Variants in SCFD1 observed in about 807,000 individuals in gnomAD.
The protein encoded by SCFD1 is sec1 family domain-containing protein 1.
SCFD1 carries 37 observed loss-of-function variants against 103.2 expected under a neutral mutation model. The ratio of observed to expected loss-of-function variants is 0.36; its 90% CI spans 0.28 to 0.47. The LOEUF (loss-of-function observed/expected upper bound fraction) is 0.47. Ranked by LOEUF, SCFD1 falls within the 20% of genes least tolerant of loss-of-function variation. The pLI is 1.00. For synonymous variants in SCFD1, 264 were observed against 245.0 expected, an observed-to-expected ratio of 1.08 and a Z score of -0.73; for missense variants, 639 against 761.2, an observed-to-expected ratio of 0.84 and a Z score of 1.89.
intron 23 of SCFD1, among the ~76,000 whole-genome samples, chr14:30,727,090 T>G (rs553164303): frequency 6.6e-6 from 1 of 152,152 alleles, no homozygotes; most frequent in Non-Finnish European, 1.5e-5. Context: ...ATCAGGGCTA[T>G]AAGTGTGTAA....
chr14:30,705,857 T>C lies in SCFD1; in HGVS notation c.1525T>C (p.Tyr509His). ...FTKMASAPAS[Y>H]GSTTTKPMGL... Reference sequence around the variant, plus strand: ...CAAGATGGCCTCAGCTCCGGCCAGCTATGGCAGCACTACCACTAAACCAAT... The same window carrying C: ...CAAGATGGCCTCAGCTCCGGCCAGCCATGGCAGCACTACCACTAAACCAAT... The change falls in exon 18 of 25, where the codon TAT becomes CAT. Residue 509 changes from tyrosine to histidine, a missense_variant. Coordinates refer to ENST00000458591, the MANE Select transcript of SCFD1 (RefSeq NM_016106.4). The C allele has an allele frequency of 6.2e-7, 1 of 1,613,888 alleles. No homozygotes were observed. The highest frequency in any genetic ancestry group is 8.5e-7 in the Non-Finnish European group (1 of 1,179,854).
At chr14:30,726,769 C>T (rs1304863468) in intron 23 of SCFD1, among the ~76,000 whole-genome samples, 2 of 152,066 alleles carry the variant, frequency 1.3e-5, no homozygotes, top group East Asian at 1.9e-4. Flanking sequence ...ATTTCCCTTC[C>T]TCCTGAAATA....
At chr14:30,733,212 G>T (rs940190296) in intron 23 of SCFD1, among the ~76,000 whole-genome samples, 1 of 152,012 alleles carries the variant, frequency 6.6e-6, no homozygotes, top group African/African-American at 2.4e-5. Context: ...GTTTCACCAT[G>T]CTGGCCAGGC....
At chr14:30,652,603 C>T (rs566216125) in intron 9 of SCFD1, among the ~76,000 whole-genome samples, 3 of 152,102 alleles carry the variant, frequency 2.0e-5, no homozygotes, top group Non-Finnish European at 2.9e-5. Flanking sequence ...AATAACTATT[C>T]CTTATTGCCT....
chr14:30,666,693 G>C (rs1165844032), intron 10 of SCFD1, among the ~76,000 whole-genome samples: 1 of 152,044 alleles, frequency 6.6e-6, no homozygotes, highest in Non-Finnish European at 1.5e-5. Context: ...GAATCAAATA[G>C]ACGCAATAAA....
chr14:30,707,584 A>G (rs1891558133), intron 18 of SCFD1, among the ~76,000 whole-genome samples: 1 of 152,092 alleles, frequency 6.6e-6, no homozygotes, highest in South Asian at 2.1e-4. Context: ...TATGGTTTGA[A>G]CTCCTAAAGC....
intron 19 of SCFD1, among the ~76,000 whole-genome samples, chr14:30,711,685 T>C (rs1383575656): frequency 2.0e-5 from 3 of 152,200 alleles, no homozygotes; most frequent in Non-Finnish European, 1.5e-5. Flanking sequence ...AATAAATCAC[T>C]GTTAATTATG....
In SCFD1 at chr14:30,700,209, T is replaced by C. The variant is rs1408593219; in HGVS notation, c.1361T>C (p.Met454Thr). The C allele has an allele frequency of 3.7e-6, 6 of 1,611,102 alleles. No individual in the cohort carries two copies. Among genetic ancestry groups the C allele is most frequent in the Non-Finnish European group, 5.1e-6 (6 of 1,177,488 alleles). The change falls in exon 16 of 25, where the codon ATG becomes ACG. Residue 454 changes from methionine (M) to threonine (T), a missense_variant. Coordinates refer to ENST00000458591, the MANE Select transcript of SCFD1 (RefSeq NM_016106.4). ...DPDAGTPEDK[M>T]RLFLIYYIST... Reference sequence around the variant, plus strand: ...GCAGCAGGAACTCCAGAAGATAAAATGAGGTTGTTTCTTATCTATTATATA... The same window carrying C: ...GCAGCAGGAACTCCAGAAGATAAAACGAGGTTGTTTCTTATCTATTATATA...
At chr14:30,662,485 C>A (rs1013304385) in intron 10 of SCFD1, among the ~76,000 whole-genome samples, 2 of 151,522 alleles carry the variant, frequency 1.3e-5, no homozygotes, top group Non-Finnish European at 2.9e-5. Flanking sequence ...TAAATAGATT[C>A]TCCCTTGTAT....
At chr14:30,734,740 G>C in intron 23 of SCFD1, 50 bp from the exon 24 acceptor site, 2 of 1,311,232 alleles carry the variant, frequency 1.5e-6, no homozygotes, top group Non-Finnish European at 2.2e-6. Flanking sequence ...TGGGAATATT[G>C]AATATATTTC....
chr14:30,632,666 GTTTAACTCCTTTA>G (rs921466876), intron 3 of SCFD1, among the ~76,000 whole-genome samples: 3 of 152,238 alleles, frequency 2.0e-5, no homozygotes, highest in Non-Finnish European at 4.4e-5. Flanking sequence ...TGTACTAAGT[GTTTAACTCCTTTA>G]TTTACTAATG....
chr14:30,729,305 T>C (rs894714915), intron 23 of SCFD1, among the ~76,000 whole-genome samples: 16 of 152,222 alleles, frequency 1.1e-4, no homozygotes, highest in Admixed American at 9.8e-4. Flanking sequence ...GTGGCATATC[T>C]AAGAATCCTT....
At chr14:30,640,379 C>G (rs229163) in intron 6 of SCFD1, among the ~76,000 whole-genome samples, 12 of 152,060 alleles carry the variant, frequency 7.9e-5, no homozygotes, top group Non-Finnish European at 1.5e-4. Flanking sequence ...TTTTTGACAA[C>G]GGTTATTATT....
chr14:30,627,764 A>AAAAG (rs1566571186), intron 1 of SCFD1, among the ~76,000 whole-genome samples: 241 of 133,418 alleles, frequency 1.8e-3, no homozygotes, highest in African/African-American at 5.5e-3. Flanking sequence ...AAAAAAAAAA[A>AAAAG]AAAGAAAGAC....
intron 10 of SCFD1, among the ~76,000 whole-genome samples, chr14:30,655,225 A>T (rs549213450): frequency 6.6e-6 from 1 of 152,342 alleles, no homozygotes; most frequent in Admixed American, 6.5e-5. Context: ...TTGAGTAAAG[A>T]TCTAAAGGAG....
intron 5 of SCFD1, 73 bp downstream of exon 5, chr14:30,638,320 C>T: frequency 6.3e-7 from 1 of 1,595,870 alleles, no homozygotes; most frequent in Non-Finnish European, 8.6e-7. Flanking sequence ...CCGTAGTTGG[C>T]ATAGATATCT....
At chr14:30,696,602 G>A (rs757281276) in intron 15 of SCFD1, among the ~76,000 whole-genome samples, 12 of 152,208 alleles carry the variant, frequency 7.9e-5, no homozygotes, top group Non-Finnish European at 1.6e-4. Context: ...AATAGAGGGA[G>A]GATTAGTAAT....
intron 14 of SCFD1, among the ~76,000 whole-genome samples, chr14:30,692,014 A>C (rs1041785486): frequency 1.3e-5 from 2 of 151,758 alleles, no homozygotes; most frequent in African/African-American, 2.4e-5. Flanking sequence ...CAAACTCCCA[A>C]GGCTCAAGCG....
In SCFD1 at chr14:30,630,469, T is replaced by C. The variant is rs769406403; in HGVS notation, c.133-8T>C. ...CTGATAATGATGACACATGGTTTTTTTTAATAGGTACTCATTTATGACAGA... is the reference window on the plus strand; with the variant it reads ...CTGATAATGATGACACATGGTTTTTCTTAATAGGTACTCATTTATGACAGA... On this transcript the variant is annotated splice_region_variant and splice_polypyrimidine_tract_variant and intron_variant, in intron 2 of 24. Coordinates refer to ENST00000458591, the MANE Select transcript of SCFD1 (RefSeq NM_016106.4). 2.0e-6 allele frequency: 3 copies of C among 1,528,762 alleles called. No individual in the cohort carries two copies. The Admixed American group carries it at 5.0e-5, about 26-fold the overall frequency. 94.7% of individuals were successfully genotyped at this position (1,528,762 alleles called of 1,614,324 possible).
Sources: gnomAD v4.1 joint callset for allele counts (sites outside exome capture counted in the v4.1 genomes callset) on GRCh38, gnomAD v4.1.1 for gene constraint, MANE v1.5 for transcripts, NCBI Gene and HGNC (gene_info 2026-07-23, HGNC 2026-07-21) for gene names.